The following CDH12 variants were observed in gnomAD, a reference collection of about 807,000 sequenced individuals.
CDH12 encodes cadherin-12.
A neutral mutation model predicts 74.1 loss-of-function variants in CDH12; 41 were observed. That is an observed-to-expected ratio of 0.55 (90% CI 0.43 to 0.72). The LOEUF (loss-of-function observed/expected upper bound fraction) is 0.72. CDH12 is among the 30% of genes least tolerant of loss of function. CDH12 has a pLI of 0.00. For missense variants in CDH12, 945 were observed against 977.2 expected (o/e 0.97, Z 0.44); for synonymous variants, 399 against 355.0 (o/e 1.12, Z -1.39).
chr5:22,159,694 A>T (rs981750977), intron 4 of CDH12, among the ~76,000 whole-genome samples: 1 of 152,226 alleles, frequency 6.6e-6, no homozygotes, highest in Non-Finnish European at 1.5e-5. Context: ...TACCTTGTAG[A>T]CAAATGGCTT....
At chr5:22,425,770 A>C (rs2126508098) in intron 2 of CDH12, among the ~76,000 whole-genome samples, 1 of 152,294 alleles carries the variant, frequency 6.6e-6, no homozygotes, top group South Asian at 2.1e-4. Flanking sequence ...GAATATTCTC[A>C]TTTAGCAATT....
chr5:21,901,314 T>G (rs1753375345), intron 6 of CDH12, among the ~76,000 whole-genome samples: 1 of 152,168 alleles, frequency 6.6e-6, no homozygotes. Context: ...AAAAGTTAAG[T>G]GCACCTCTGA....
chr5:22,806,808 C>T (rs1320125784), intron 1 of CDH12, among the ~76,000 whole-genome samples: 4 of 152,040 alleles, frequency 2.6e-5, no homozygotes, highest in Non-Finnish European at 4.4e-5. Context: ...CCTTTGCCTA[C>T]TTTTTGATGG....
intron 3 of CDH12, among the ~76,000 whole-genome samples, chr5:22,307,902 A>T (rs1738187938): frequency 2.5e-5 from 1 of 40,656 alleles, no homozygotes; most frequent in African/African-American, 8.4e-5. Flanking sequence ...TTTTTTTGAG[A>T]CAGAGTCTCA....
chr5:22,062,430 C>T (rs1741256386), intron 5 of CDH12, among the ~76,000 whole-genome samples: 1 of 152,082 alleles, frequency 6.6e-6, no homozygotes, highest in Admixed American at 6.6e-5. Context: ...AAGATAGCCT[C>T]ATGTACTGAG....
chr5:22,146,140 G>C (rs1248738366), intron 4 of CDH12, among the ~76,000 whole-genome samples: 1 of 151,956 alleles, frequency 6.6e-6, no homozygotes, highest in East Asian at 1.9e-4. Context: ...AGTTAATGAG[G>C]TGTGTGAAAA....
chr5:22,196,570 T>C (rs1054046602), intron 4 of CDH12, among the ~76,000 whole-genome samples: 7 of 152,188 alleles, frequency 4.6e-5, no homozygotes, highest in Admixed American at 3.9e-4. Context: ...CTACGCTGAG[T>C]TGACCTCAAG....
Position 22,002,821 on chromosome 5 carries a change from C to T in CDH12, c.232-27436G>A, listed in dbSNP as rs2963540. ...AATATGGAAAAAAAAATCAATATAACGAACATTTTCATAAGCTCAGATTTC... is the reference window on the plus strand; with the variant it reads ...AATATGGAAAAAAAAATCAATATAATGAACATTTTCATAAGCTCAGATTTC... On this transcript the variant is annotated intron_variant, in intron 5 of 14. Coordinates refer to ENST00000382254, the MANE Select transcript of CDH12 (RefSeq NM_004061.5). Among the ~76,000 whole-genome samples, 7 of 151,840 alleles carry T rather than the reference C, an allele frequency of 4.6e-5. No individual in the cohort carries two copies. In the East Asian group the frequency reaches 5.9e-4, roughly 13 times the overall value.
chr5:22,731,689 A>G (rs929305762), intron 1 of CDH12, among the ~76,000 whole-genome samples: 11 of 151,858 alleles, frequency 7.2e-5, no homozygotes, highest in Non-Finnish European at 1.6e-4. Context: ...GGAAATGTTT[A>G]ATTCTTGGAA....
At chr5:22,768,925 A>C (rs568417823) in intron 1 of CDH12, among the ~76,000 whole-genome samples, 3 of 152,280 alleles carry the variant, frequency 2.0e-5, no homozygotes, top group African/African-American at 4.8e-5. Context: ...TTATAGCAAT[A>C]TTTTAAAATT....
intron 10 of CDH12, among the ~76,000 whole-genome samples, chr5:21,785,915 A>T (rs1477123028): frequency 6.6e-6 from 1 of 152,176 alleles, no homozygotes; most frequent in Admixed American, 6.5e-5. Context: ...TTGCAAGAAG[A>T]TGCCATCAAG....
chr5:21,947,396 T>C (rs1755627807), intron 6 of CDH12, among the ~76,000 whole-genome samples: 1 of 152,182 alleles, frequency 6.6e-6, no homozygotes, highest in Non-Finnish European at 1.5e-5. Context: ...ACCAAAATGC[T>C]GATTGTGATA....
chr5:22,793,238 G>A (rs1481446107), intron 1 of CDH12, among the ~76,000 whole-genome samples: 1 of 152,110 alleles, frequency 6.6e-6, no homozygotes, highest in South Asian at 2.1e-4. Flanking sequence ...TTTTAGATTT[G>A]GGGTCAAAAC....
intron 2 of CDH12, among the ~76,000 whole-genome samples, chr5:22,447,985 T>TA (rs10660558): frequency 0.5 from 42,027 of 84,202 alleles, 10,433 homozygotes; most frequent in African/African-American, 0.55. Flanking sequence ...TACAAGAAAT[T>TA]AAAAAAAAAA....
intron 1 of CDH12, among the ~76,000 whole-genome samples, chr5:22,773,581 T>C (rs908679583): frequency 7.9e-5 from 12 of 152,070 alleles, no homozygotes; most frequent in African/African-American, 2.7e-4. Flanking sequence ...TTTTGCACAT[T>C]GGCTTTTGCA....
At chr5:22,789,157 GA>G (rs1347621196) in intron 1 of CDH12, among the ~76,000 whole-genome samples, 1 of 151,360 alleles carries the variant, frequency 6.6e-6, no homozygotes, top group African/African-American at 2.4e-5. Context: ...AAAATAAAAG[GA>G]AAAAAGAGAA....
chr5:22,757,255 G>A (rs1426890422), intron 1 of CDH12, among the ~76,000 whole-genome samples: 1 of 152,148 alleles, frequency 6.6e-6, no homozygotes, highest in African/African-American at 2.4e-5. Flanking sequence ...TTACACCAAA[G>A]ATCTTATTTA....
intron 1 of CDH12, among the ~76,000 whole-genome samples, chr5:22,814,124 A>G (rs1384370537): frequency 6.6e-6 from 1 of 152,198 alleles, no homozygotes; most frequent in Non-Finnish European, 1.5e-5. Context: ...TTAGTCATTG[A>G]AAATAAAGTA....
chr5:22,293,160 C>A (rs1456687064), intron 3 of CDH12, among the ~76,000 whole-genome samples: 1 of 152,232 alleles, frequency 6.6e-6, no homozygotes, highest in African/African-American at 2.4e-5. Context: ...TAGCCCCTAC[C>A]CCTGCTCCAT....
Sources: gnomAD v4.1 joint callset for allele counts (sites outside exome capture counted in the v4.1 genomes callset) on GRCh38, gnomAD v4.1.1 for gene constraint, MANE v1.5 for transcripts, NCBI Gene and HGNC (gene_info 2026-07-23, HGNC 2026-07-21) for gene names.